The following CNTNAP2 variants were observed in gnomAD, a reference collection of about 807,000 sequenced individuals.
The protein encoded by CNTNAP2 is contactin-associated protein-like 2.
CNTNAP2 carries 98 observed loss-of-function variants against 155.2 expected under a neutral mutation model. The ratio of observed to expected loss-of-function variants is 0.63; its 90% CI spans 0.54 to 0.75. CNTNAP2 has a LOEUF of 0.75. Ranked by LOEUF, CNTNAP2 falls within the 30% of genes least tolerant of loss-of-function variation. The probability of loss-of-function intolerance (pLI) is 0.00; values close to 1 mark genes in which losing one functional copy is unlikely to be tolerated. For synonymous variants in CNTNAP2, 651 were observed against 631.2 expected, an observed-to-expected ratio of 1.03 and a Z score of -0.47; for missense variants, 1,727 against 1,688.1, an observed-to-expected ratio of 1.02 and a Z score of -0.40.
At chr7:146,588,523 T>A (rs976730240) in intron 1 of CNTNAP2, among the ~76,000 whole-genome samples, 9 of 141,388 alleles carry the variant, frequency 6.4e-5, no homozygotes, top group African/African-American at 2.2e-4. Flanking sequence ...TATGTATTTT[T>A]TTTTTTTTAA....
chr7:147,091,594 G>A (rs1256906590), intron 4 of CNTNAP2, among the ~76,000 whole-genome samples: 1 of 150,778 alleles, frequency 6.6e-6, no homozygotes. Flanking sequence ...TGGGACTACA[G>A]GTGCGCACCA....
At chr7:146,974,178 T>G (rs1445243345) in intron 3 of CNTNAP2, among the ~76,000 whole-genome samples, 1 of 152,036 alleles carries the variant, frequency 6.6e-6, no homozygotes, top group Admixed American at 6.6e-5. Context: ...ACACTATCAC[T>G]AAAAATCAGT....
intron 13 of CNTNAP2, among the ~76,000 whole-genome samples, chr7:147,663,118 C>T (rs1280757206): frequency 2.0e-5 from 3 of 152,182 alleles, no homozygotes; most frequent in African/African-American, 4.8e-5. Flanking sequence ...CCTGCCTCAG[C>T]CTCCTGAGCA....
chr7:146,789,746 G>C (rs1802638028), intron 2 of CNTNAP2, among the ~76,000 whole-genome samples: 1 of 151,638 alleles, frequency 6.6e-6, no homozygotes, highest in South Asian at 2.1e-4. Flanking sequence ...CAATACGCTA[G>C]AATCTGACAG....
At chr7:146,449,651 A>C (rs1439128106) in intron 1 of CNTNAP2, among the ~76,000 whole-genome samples, 1 of 152,186 alleles carries the variant, frequency 6.6e-6, no homozygotes, top group East Asian at 1.9e-4. Flanking sequence ...CATATGTGAT[A>C]ATGGGTATTA....
intron 15 of CNTNAP2, among the ~76,000 whole-genome samples, chr7:148,029,947 A>T (rs1802442926): frequency 6.6e-6 from 1 of 152,234 alleles, no homozygotes; most frequent in African/African-American, 2.4e-5. Flanking sequence ...CTAAGTGTTT[A>T]AAATTATTTT....
chr7:146,504,544 A>G (rs1797353700), intron 1 of CNTNAP2, among the ~76,000 whole-genome samples: 1 of 152,206 alleles, frequency 6.6e-6, no homozygotes, highest in South Asian at 2.1e-4. Context: ...TGTCAACAGA[A>G]GGAGGACAAC....
chr7:147,559,881 A>C (rs1265816192), intron 11 of CNTNAP2, among the ~76,000 whole-genome samples: 2 of 148,042 alleles, frequency 1.4e-5, no homozygotes, highest in East Asian at 4.1e-4. Context: ...AAAAAAAAAA[A>C]CATTTGAGGC....
chr7:146,824,221 C>A (rs1428543527), intron 2 of CNTNAP2, among the ~76,000 whole-genome samples: 1 of 152,078 alleles, frequency 6.6e-6, no homozygotes, highest in East Asian at 1.9e-4. Flanking sequence ...TGAACTCATT[C>A]TTTTTTATGG....
intron 14 of CNTNAP2, among the ~76,000 whole-genome samples, chr7:147,954,514 A>T (rs1040540927): frequency 1.3e-5 from 2 of 152,018 alleles, no homozygotes; most frequent in Non-Finnish European, 2.9e-5. Flanking sequence ...AAGCAGTAGG[A>T]TTTATCATTT....
At chr7:148,013,013 C>T (rs1267029175) in intron 15 of CNTNAP2, among the ~76,000 whole-genome samples, 1 of 152,256 alleles carries the variant, frequency 6.6e-6, no homozygotes, top group African/African-American at 2.4e-5. Flanking sequence ...TGTAATTGTA[C>T]GTGAGTGACA....
chr7:147,122,885 T>C (rs1801149982), intron 6 of CNTNAP2: 1 of 152,194 alleles, frequency 6.6e-6, no homozygotes, highest in Non-Finnish European at 1.5e-5. Flanking sequence ...TATTTATGTA[T>C]AATTTTATAA....
At chr7:148,346,773 TAAAAA>T (rs71188973) in intron 21 of CNTNAP2, among the ~76,000 whole-genome samples, 4 of 147,122 alleles carry the variant, frequency 2.7e-5, no homozygotes, top group African/African-American at 1.0e-4. Context: ...ACTCCATCTT[TAAAAA>T]AAAAAAAAAA....
intron 22 of CNTNAP2, 124 bp downstream of exon 22, chr7:148,384,012 A>C (rs1159072309): frequency 7.3e-7 from 1 of 1,377,230 alleles, no homozygotes; most frequent in Admixed American, 2.0e-5. Context: ...AAGAAAGGGC[A>C]AAGGAACGTT....
intron 3 of CNTNAP2, among the ~76,000 whole-genome samples, chr7:146,984,136 G>A (rs1005350199): frequency 4.6e-5 from 7 of 152,040 alleles, no homozygotes; most frequent in African/African-American, 7.2e-5. Flanking sequence ...GGGAGGCTGA[G>A]GTGGGTGGCT....
At chr7:147,910,735 A>C (rs1800048737) in intron 14 of CNTNAP2, among the ~76,000 whole-genome samples, 1 of 152,138 alleles carries the variant, frequency 6.6e-6, no homozygotes. Flanking sequence ...AGATCTCATG[A>C]GACTTAGTCC....
At chr7:147,777,319 C>CT (rs1563085487) in intron 13 of CNTNAP2, among the ~76,000 whole-genome samples, 1 of 152,034 alleles carries the variant, frequency 6.6e-6, no homozygotes, top group Non-Finnish European at 1.5e-5. Context: ...ATAAGTTCAC[C>CT]TTGTCCTTAT....
At chr7:147,412,800 G>A (rs1797126528) in intron 10 of CNTNAP2, among the ~76,000 whole-genome samples, 1 of 152,182 alleles carries the variant, frequency 6.6e-6, no homozygotes, top group South Asian at 2.1e-4. Flanking sequence ...TATAGGGCAA[G>A]GCTGTCTTGG....
intron 1 of CNTNAP2, among the ~76,000 whole-genome samples, chr7:146,662,389 G>A (rs1211692888): frequency 2.0e-5 from 3 of 152,064 alleles, no homozygotes; most frequent in Non-Finnish European, 4.4e-5. Context: ...CGCCCACCTC[G>A]GCCTCCCAAA....
Sources: allele counts gnomAD v4.1 joint callset (sites outside exome capture counted in the v4.1 genomes callset), GRCh38; gene constraint gnomAD v4.1.1; transcripts MANE v1.5; gene names NCBI Gene and HGNC (gene_info 2026-07-23, HGNC 2026-07-21).